ADAMTSL1: variants seen among roughly 807,000 people sequenced by gnomAD.
ADAMTSL1 encodes ADAMTS like 1.
A neutral mutation model predicts 201.8 loss-of-function variants in ADAMTSL1; 126 were observed. That is an observed-to-expected ratio of 0.62 (90% confidence interval 0.54 to 0.72). The LOEUF (loss-of-function observed/expected upper bound fraction) is 0.72, where lower values mean the gene tolerates loss of function less well. ADAMTSL1 is among the 30% of genes least tolerant of loss of function. The probability of loss-of-function intolerance (pLI) is 0.00; values close to 1 mark genes in which losing one functional copy is unlikely to be tolerated. For synonymous variants in ADAMTSL1, 1,121 were observed against 903.4 expected, an observed-to-expected ratio of 1.24 and a Z score of -4.32; for missense variants, 2,679 against 2,277.8, an observed-to-expected ratio of 1.18 and a Z score of -3.59.
intron 1 of ADAMTSL1, among the ~76,000 whole-genome samples, chr9:17,947,581 A>C (rs1242477948): frequency 2.0e-5 from 3 of 152,132 alleles, no homozygotes; most frequent in Non-Finnish European, 4.4e-5. Flanking sequence ...TGCAGTTGCA[A>C]TTGCAATATT....
rs752048936 is a variant in ADAMTSL1, at chr9:18,733,538, C to T, written c.2006+11873C>T. 2.6e-5 allele frequency among the ~76,000 whole-genome samples: 4 copies of T among 152,098 alleles called. No individual in the cohort carries two copies. The South Asian group carries it at 6.2e-4, about 24-fold the overall frequency. On this transcript the variant is annotated intron_variant, in intron 15 of 28. Transcript: ENST00000380548. ...GCAGAGAGGTGCTTTGCTTATAGAT[C>T]TGGAAGAAGCTTTGTATCTTTGTTC...
At chr9:18,525,602 C>T (rs1422551482) in intron 2 of ADAMTSL1, among the ~76,000 whole-genome samples, 2 of 152,162 alleles carry the variant, frequency 1.3e-5, no homozygotes, top group African/African-American at 4.8e-5. Flanking sequence ...TTTTCCTGTA[C>T]ACACTGCTTT....
rs889543303 is a variant in ADAMTSL1 at position 17,974,084 on chromosome 9, T to C, written c.87+67162T>C. Among the ~76,000 whole-genome samples, 13 of 152,148 alleles carry C rather than the reference T, an allele frequency of 8.5e-5. No individual in the cohort carries two copies. In the South Asian group the frequency reaches 2.7e-3, roughly 32 times the overall value. On this transcript the variant is annotated intron_variant, in intron 1 of 29. Transcript: ENST00000680146. Reference sequence around the variant, plus strand: ...AAACTCTCAATAAATTAGGTATTGATGGGACGTATCTCAAAATAATAAGAG... The same window carrying C: ...AAACTCTCAATAAATTAGGTATTGACGGGACGTATCTCAAAATAATAAGAG...
At chr9:18,700,583 T>C (rs1831867172) in intron 13 of ADAMTSL1, among the ~76,000 whole-genome samples, 1 of 152,102 alleles carries the variant, frequency 6.6e-6, no homozygotes, top group Admixed American at 6.5e-5. Context: ...TTGCCCAGAA[T>C]CAGGGGAAGG....
chr9:18,811,402 G>A (rs1052286764), intron 20 of ADAMTSL1, among the ~76,000 whole-genome samples: 2 of 151,918 alleles, frequency 1.3e-5, no homozygotes, highest in African/African-American at 2.4e-5. Flanking sequence ...TGGAGAGTGA[G>A]GACTTGTACC....
At chr9:18,675,045 C>G (rs1175928410) in intron 9 of ADAMTSL1, among the ~76,000 whole-genome samples, 1 of 152,142 alleles carries the variant, frequency 6.6e-6, no homozygotes, top group East Asian at 1.9e-4. Flanking sequence ...TCCACACAGC[C>G]TATGATATAT....
chr9:18,855,117 G>T (rs926846379), intron 23 of ADAMTSL1, among the ~76,000 whole-genome samples: 1 of 152,066 alleles, frequency 6.6e-6, no homozygotes, highest in South Asian at 2.1e-4. Flanking sequence ...ACAGATTTGG[G>T]TTTTCCATTC....
At chr9:18,337,467 G>A (rs1375181752) in intron 2 of ADAMTSL1, among the ~76,000 whole-genome samples, 1 of 152,078 alleles carries the variant, frequency 6.6e-6, no homozygotes, top group African/African-American at 2.4e-5. Context: ...TATTAGTCCT[G>A]TCCTTCTAGA....
At chr9:18,341,114 T>C (rs1835448555) in intron 2 of ADAMTSL1, among the ~76,000 whole-genome samples, 1 of 152,088 alleles carries the variant, frequency 6.6e-6, no homozygotes, top group Non-Finnish European at 1.5e-5. Flanking sequence ...AAATTGATCA[T>C]TCTAGTCCCT....
intron 1 of ADAMTSL1, among the ~76,000 whole-genome samples, chr9:18,134,254 A>C (rs186102970): frequency 6.6e-6 from 1 of 152,294 alleles, no homozygotes; most frequent in Admixed American, 6.5e-5. Context: ...GAACTCAAGA[A>C]CTGACAGGAT....
At chr9:18,626,879 C>CTTCT (rs1826410449) in intron 5 of ADAMTSL1, among the ~76,000 whole-genome samples, 1 of 72,972 alleles carries the variant, frequency 1.4e-5, no homozygotes, top group Non-Finnish European at 2.6e-5. Flanking sequence ...GTCTTTCTTC[C>CTTCT]TTCCTTCCTT....
intron 2 of ADAMTSL1, among the ~76,000 whole-genome samples, chr9:18,181,613 C>T (rs938311339): frequency 1.8e-4 from 28 of 152,184 alleles, no homozygotes; most frequent in African/African-American, 6.7e-4. Context: ...TTTAGAATGG[C>T]GATCATTAAA....
intron 4 of ADAMTSL1, among the ~76,000 whole-genome samples, chr9:18,604,522 T>C (rs1448680435): frequency 6.6e-6 from 1 of 152,210 alleles, no homozygotes; most frequent in Non-Finnish European, 1.5e-5. Context: ...ATATTTGTCC[T>C]TTTTTTGTCT....
At chr9:18,347,672 T>C (rs1039164940) in intron 2 of ADAMTSL1, among the ~76,000 whole-genome samples, 3 of 152,172 alleles carry the variant, frequency 2.0e-5, no homozygotes, top group Non-Finnish European at 2.9e-5. Context: ...TGAAAATCAG[T>C]TGGGCATGTC....
intron 1 of ADAMTSL1, among the ~76,000 whole-genome samples, chr9:18,010,409 A>T (rs1417465985): frequency 2.0e-5 from 3 of 152,038 alleles, no homozygotes; most frequent in African/African-American, 7.2e-5. Flanking sequence ...GAACTATTTT[A>T]TGGAAAAGGA....
At chr9:18,053,291 C>G (rs754125806) in intron 1 of ADAMTSL1, among the ~76,000 whole-genome samples, 7 of 152,040 alleles carry the variant, frequency 4.6e-5, no homozygotes, top group Non-Finnish European at 8.8e-5. Context: ...GCAAAGAGGA[C>G]AGGAGACAGA....
chr9:18,504,984 T>A (rs1260198551), intron 2 of ADAMTSL1, 28 bp downstream of exon 2: 1 of 1,588,360 alleles, frequency 6.3e-7, no homozygotes, highest in Admixed American at 1.8e-5. Context: ...TGGGGGTCTT[T>A]GTGAGAACCA....
intron 1 of ADAMTSL1, among the ~76,000 whole-genome samples, chr9:18,498,333 A>AC (rs761178180): frequency 8.1e-6 from 1 of 123,188 alleles, no homozygotes. Context: ...TGTTCCCCCC[A>AC]CCCCCTTTTT....
At chr9:18,839,661 G>C (rs1179974790) in intron 23 of ADAMTSL1, among the ~76,000 whole-genome samples, 1 of 152,278 alleles carries the variant, frequency 6.6e-6, no homozygotes, top group South Asian at 2.1e-4. Flanking sequence ...CAGTGTAAAA[G>C]TGTTCCTATT....
Sources: gnomAD v4.1 joint callset for allele counts (sites outside exome capture counted in the v4.1 genomes callset) on GRCh38, gnomAD v4.1.1 for gene constraint, MANE v1.5 for transcripts, NCBI Gene and HGNC (gene_info 2026-07-23, HGNC 2026-07-21) for gene names.